MTUS1: variants seen among roughly 807,000 people sequenced by gnomAD.
MTUS1 encodes microtubule associated scaffold protein 1.
Under a neutral mutation model 120.8 loss-of-function variants are expected in MTUS1, and 109 were observed. The observed-to-expected ratio is 0.90, with a 90% CI of 0.77 to 1.06. The LOEUF (loss-of-function observed/expected upper bound fraction) is 1.06, where lower values mean the gene tolerates loss of function less well. Among genes scored for constraint, MTUS1 ranks in the 50% least tolerant of loss-of-function variants. The pLI is 0.00. For synonymous variants in MTUS1, 737 were observed against 550.5 expected, an observed-to-expected ratio of 1.34 and a Z score of -4.74; for missense variants, 2,210 against 1,486.3, an observed-to-expected ratio of 1.49 and a Z score of -8.01.
chr8:17,756,832 T>C (rs2048662538), intron 1 of MTUS1, among the ~76,000 whole-genome samples: 1 of 152,036 alleles, frequency 6.6e-6, no homozygotes, highest in South Asian at 2.1e-4. Context: ...TCATCCCCTC[T>C]CTCTACCAAA....
intron 1 of MTUS1, among the ~76,000 whole-genome samples, chr8:17,766,013 C>A (rs796219039): frequency 6.6e-6 from 1 of 152,078 alleles, no homozygotes; most frequent in African/African-American, 2.4e-5. Flanking sequence ...AAATTATACA[C>A]TACAAATTAA....
chr8:17,714,746 G>A (rs1053992845), intron 5 of MTUS1, among the ~76,000 whole-genome samples: 1 of 152,188 alleles, frequency 6.6e-6, no homozygotes, highest in South Asian at 2.1e-4. Flanking sequence ...AGCAATTGCT[G>A]GTTGACAGAA....
chr8:17,672,278 C>T (rs889433049), intron 8 of MTUS1, among the ~76,000 whole-genome samples: 1 of 152,192 alleles, frequency 6.6e-6, no homozygotes, highest in Non-Finnish European at 1.5e-5. Context: ...GCAGTTAACA[C>T]TTGGTGCTAG....
Position 17,681,421 on chromosome 8 carries a change from C to A in MTUS1, c.2838+2907G>T, listed in dbSNP as rs573011492. ...ACAGGACATTTTTAGTTGATAGCTT[C>A]CTAGACCTAGGTTTACGTCCTGGTT... On this transcript the variant is annotated intron_variant, in intron 7 of 14. Transcript: ENST00000693296. Among the ~76,000 whole-genome samples the A allele has an allele frequency of 1.3e-4, 20 of 152,308 alleles. No homozygotes were observed. In the South Asian group the frequency reaches 4.1e-3, roughly 32 times the overall value.
At chr8:17,647,117 T>TAA (rs565891321) in intron 13 of MTUS1, 38 bp from the exon 14 acceptor site, 17 of 1,402,184 alleles carry the variant, frequency 1.2e-5, no homozygotes, top group East Asian at 2.5e-5. Context: ...TATACAATAT[T>TAA]AAAAAAAAAA....
chr8:17,755,161 G>A lies in MTUS1; in HGVS notation c.647C>T (p.Thr216Met), dbSNP rs377602735. ...ATCATAAGTAGTTTCTCTTGCATGC[G>A]TCTTATCAGAATGGGAAGATGTCCA... ...STWTSSHSDK[T>M]HARETTYDRE... Residue 216 changes from threonine to methionine, a missense_variant, in exon 2 of 15, where the codon ACG (threonine) becomes ATG (methionine). By Grantham distance (81) the Thr-to-Met change is moderately conservative. Coordinates refer to ENST00000693296, the MANE Select transcript of MTUS1 (RefSeq NM_001363059.2). The A allele has an allele frequency of 9.3e-6, 15 of 1,613,982 alleles. No homozygotes were observed. Among genetic ancestry groups the A allele is most frequent in the Middle Eastern group, 1.6e-4 (1 of 6,084 alleles).
At chr8:17,780,047 C>G (rs921759244) in intron 1 of MTUS1, among the ~76,000 whole-genome samples, 2 of 152,210 alleles carry the variant, frequency 1.3e-5, no homozygotes, top group Non-Finnish European at 2.9e-5. Flanking sequence ...TGGGAGATGA[C>G]TGGGTTATGG....
chr8:17,678,491 C>G (rs1200198349), intron 7 of MTUS1, among the ~76,000 whole-genome samples: 2 of 152,124 alleles, frequency 1.3e-5, no homozygotes, highest in African/African-American at 4.8e-5. Flanking sequence ...GACACAGGCA[C>G]TTAGTCTCTG....
At chr8:17,669,298 C>T (rs1017656250) in intron 8 of MTUS1, among the ~76,000 whole-genome samples, 7 of 152,048 alleles carry the variant, frequency 4.6e-5, no homozygotes, top group Admixed American at 2.6e-4. Context: ...GAGGGGTCCG[C>T]GACGGGAGGG....
chr8:17,661,993 G>A (rs1301383992), intron 8 of MTUS1, among the ~76,000 whole-genome samples: 2 of 152,216 alleles, frequency 1.3e-5, no homozygotes, highest in Non-Finnish European at 2.9e-5. Flanking sequence ...GGATGCACAT[G>A]TAAACGCTGT....
In MTUS1 at chr8:17,753,977, T is replaced by G. The variant is rs1241267053; in HGVS notation, c.1831A>C (p.Asn611His). ...CTGGCTTTGTCAACATCTTCCTGATTCGATTTCACGGCAGATGTTGTTCTT... is the reference window on the plus strand; with the variant it reads ...CTGGCTTTGTCAACATCTTCCTGATGCGATTTCACGGCAGATGTTGTTCTT... ...VPRTTSAVKS[N>H]QEDVDKASSS... is the part of the protein sequence containing the mutation. Residue 611 changes from asparagine (N) to histidine (H), a missense_variant, in exon 2 of 15, where the codon AAT becomes CAT. Transcript: ENST00000693296. The G allele has an allele frequency of 6.2e-7, 1 of 1,614,230 alleles. No homozygotes were observed. The highest frequency in any genetic ancestry group is 1.3e-5 in the African/African-American group (1 of 75,058).
intron 5 of MTUS1, among the ~76,000 whole-genome samples, chr8:17,713,585 T>A (rs748328416): frequency 6.6e-6 from 1 of 152,300 alleles, no homozygotes; most frequent in Admixed American, 6.5e-5. Context: ...TGTGCACATA[T>A]GCCATTCTGC....
intron 6 of MTUS1, among the ~76,000 whole-genome samples, chr8:17,700,772 T>C (rs1358511090): frequency 6.6e-6 from 1 of 152,042 alleles, no homozygotes; most frequent in Non-Finnish European, 1.5e-5. Flanking sequence ...GCCTACAAAA[T>C]GAGCCGAGTT....
chr8:17,653,136 G>C, intron 12 of MTUS1, 50 bp downstream of exon 12: 2 of 1,064,532 alleles, frequency 1.9e-6, no homozygotes, highest in South Asian at 1.5e-5. Context: ...ACTCTAAAAG[G>C]CAACTGAGAA....
chr8:17,650,003 GT>G (rs760483668), intron 12 of MTUS1, 41 bp from the exon 13 acceptor site: 2 of 1,014,886 alleles, frequency 2.0e-6, no homozygotes, highest in Non-Finnish European at 3.1e-6. Flanking sequence ...ATTCCACATA[GT>G]TCAAATTCTT....
intron 1 of MTUS1, among the ~76,000 whole-genome samples, chr8:17,760,326 A>C (rs1370623893): frequency 1.3e-5 from 2 of 152,210 alleles, no homozygotes; most frequent in East Asian, 3.8e-4. Context: ...TATAAAATAA[A>C]TTTACTGACA....
At chr8:17,743,498 A>T in intron 3 of MTUS1, 106 bp downstream of exon 3, 1 of 1,092,942 alleles carries the variant, frequency 9.1e-7, no homozygotes, top group Non-Finnish European at 1.3e-6. Context: ...ATGCTGATCC[A>T]CAAAAGGCTA....
intron 3 of MTUS1, among the ~76,000 whole-genome samples, chr8:17,733,630 GC>G (rs774214215): frequency 6.6e-6 from 1 of 152,060 alleles, no homozygotes; most frequent in Non-Finnish European, 1.5e-5. Context: ...ATAAAACAGG[GC>G]CCCGCATCCC....
chr8:17,756,820 G>C (rs1342306675), intron 1 of MTUS1, among the ~76,000 whole-genome samples: 2 of 152,084 alleles, frequency 1.3e-5, no homozygotes, highest in African/African-American at 4.8e-5. Flanking sequence ...CCCACTCTTG[G>C]TTCATCCCCT....
Sources: allele counts gnomAD v4.1 joint callset (sites outside exome capture counted in the v4.1 genomes callset), GRCh38; gene constraint gnomAD v4.1.1; transcripts MANE v1.5; gene names NCBI Gene and HGNC (gene_info 2026-07-23, HGNC 2026-07-21).